The following SKAP1 variants were observed in gnomAD, a reference collection of about 807,000 sequenced individuals.
The protein encoded by SKAP1 is src kinase-associated phosphoprotein 1.
Under a neutral mutation model 58.5 loss-of-function variants are expected in SKAP1, and 44 were observed. The ratio of observed to expected loss-of-function variants is 0.75; its 90% CI spans 0.59 to 0.97. The LOEUF (loss-of-function observed/expected upper bound fraction) is 0.97, where lower values mean the gene tolerates loss of function less well. Among genes scored for constraint, SKAP1 ranks in the 50% least tolerant of loss-of-function variants. The probability of loss-of-function intolerance (pLI) is 0.00; values close to 1 mark genes in which losing one functional copy is unlikely to be tolerated. For synonymous variants in SKAP1, 127 were observed against 149.7 expected, an observed-to-expected ratio of 0.85 and a Z score of 1.11; for missense variants, 390 against 435.2, an observed-to-expected ratio of 0.90 and a Z score of 0.92.
chr17:48,210,548 G>A (rs1567822269), intron 4 of SKAP1, among the ~76,000 whole-genome samples: 2 of 152,098 alleles, frequency 1.3e-5, no homozygotes, highest in African/African-American at 2.4e-5. Context: ...GAACAAGCAC[G>A]AGGGGCAAGA....
intron 4 of SKAP1, among the ~76,000 whole-genome samples, chr17:48,218,379 C>T (rs1191114794): frequency 6.6e-6 from 1 of 152,170 alleles, no homozygotes; most frequent in Non-Finnish European, 1.5e-5. Context: ...CTTTGCCTGG[C>T]AAACCCAACA....
chr17:48,437,109 A>C, the SKAP1 span, among the ~76,000 whole-genome samples: 1 of 151,990 alleles, frequency 6.6e-6, no homozygotes. Context: ...TTTTATTCTC[A>C]CACTACTACT....
At chr17:48,316,689 A>G (rs1028611356) in intron 4 of SKAP1, among the ~76,000 whole-genome samples, 2 of 152,212 alleles carry the variant, frequency 1.3e-5, no homozygotes, top group African/African-American at 4.8e-5. Flanking sequence ...ATGATAAATG[A>G]ATAGATGAAG....
chr17:48,266,258 T>G (rs1474877930), intron 4 of SKAP1, among the ~76,000 whole-genome samples: 1 of 152,214 alleles, frequency 6.6e-6, no homozygotes, highest in Non-Finnish European at 1.5e-5. Context: ...GTTAGGCTGG[T>G]GCAAACATCA....
chr17:48,354,374 A>T (rs925028188), intron 3 of SKAP1, among the ~76,000 whole-genome samples: 1 of 152,230 alleles, frequency 6.6e-6, no homozygotes, highest in African/African-American at 2.4e-5. Flanking sequence ...CTCTTTATTT[A>T]AAAAAATTAC....
rs943871609 is a variant in SKAP1 at position 48,255,065 on chromosome 17, T to C, written c.281-65565A>G. Among the ~76,000 whole-genome samples, 3 of 152,090 alleles carry C rather than the reference T, an allele frequency of 2.0e-5. No homozygotes were observed. In the East Asian group the frequency reaches 5.8e-4, roughly 29 times the overall value. ...GATGGGCTAGTACTCCTCCTTCAAA[T>C]GCTGAACGTCATCACAGGAGAGACA... is the stretch of plus-strand genomic sequence containing the variant. On this transcript the variant is annotated intron_variant, in intron 4 of 12. Coordinates refer to ENST00000336915, the MANE Select transcript of SKAP1 (RefSeq NM_003726.4).
chr17:48,306,214 C>A (rs906396492), intron 4 of SKAP1, among the ~76,000 whole-genome samples: 4 of 152,184 alleles, frequency 2.6e-5, no homozygotes, highest in African/African-American at 9.7e-5. Flanking sequence ...GCAGATTAGT[C>A]CATGAGCATT....
chr17:48,169,266 T>C (rs1030404022), intron 10 of SKAP1, among the ~76,000 whole-genome samples: 1 of 152,200 alleles, frequency 6.6e-6, no homozygotes, highest in African/African-American at 2.4e-5. Context: ...TGCTAAAAGA[T>C]CAATGCTTTC....
intron 4 of SKAP1, among the ~76,000 whole-genome samples, chr17:48,339,978 C>T (rs994791097): frequency 2.5e-4 from 38 of 151,996 alleles, no homozygotes; most frequent in African/African-American, 8.7e-4. Flanking sequence ...GTCGGGAGTT[C>T]GAGACCAGCC....
chr17:48,321,599 C>T lies in SKAP1; in HGVS notation c.280+24306G>A, dbSNP rs554623241. On this transcript the variant is annotated intron_variant, in intron 4 of 12. Transcript: ENST00000336915. ...TTCACCGTGTTAGCCAGGATCGTCTCGATCTCCTGACCTTGTGATCCGCCA... is the reference window on the plus strand; with the variant it reads ...TTCACCGTGTTAGCCAGGATCGTCTTGATCTCCTGACCTTGTGATCCGCCA... Among the ~76,000 whole-genome samples, 52 of 152,110 alleles carry T rather than the reference C, an allele frequency of 3.4e-4. No individual in the cohort carries two copies. The South Asian group carries it at 8.7e-3, about 25-fold the overall frequency.
chr17:48,440,913 G>C, the SKAP1 span, among the ~76,000 whole-genome samples: 1 of 152,174 alleles, frequency 6.6e-6, no homozygotes, highest in Non-Finnish European at 1.5e-5. Context: ...GGCTCAGAGG[G>C]AAATGTAGCT....
chr17:48,190,809 C>T (rs1391426238), intron 4 of SKAP1, among the ~76,000 whole-genome samples: 2 of 151,986 alleles, frequency 1.3e-5, no homozygotes, highest in Non-Finnish European at 2.9e-5. Context: ...CATGGTGAAA[C>T]CTCATCTCTA....
chr17:48,444,946 T>C, the SKAP1 span, among the ~76,000 whole-genome samples: 3 of 152,182 alleles, frequency 2.0e-5, no homozygotes, highest in African/African-American at 7.2e-5. Context: ...CCTTGGGTCC[T>C]GGGACCATCC....
At position 48,145,865 on chromosome 17, in the gene SKAP1, C is replaced by T. The variant is rs114142301; in HGVS notation, c.979-8528G>A. 4.7e-3 allele frequency among the ~76,000 whole-genome samples: 714 copies of T among 152,248 alleles called. 3 individuals are homozygous for T. Among genetic ancestry groups the T allele is most frequent in the African/African-American group, 0.016 (669 of 41,530 alleles). The stretch of plus-strand genomic sequence containing the variant: ...ATTTCTAGGCTCAGTGAATCCTAGG[C>T]TGTTCCAACAAAAGGAACTCACCAT... On this transcript the variant is annotated intron_variant, in intron 11 of 12. Transcript: ENST00000336915.
At chr17:48,140,173 T>C (rs1255313260) in intron 11 of SKAP1, among the ~76,000 whole-genome samples, 1 of 152,216 alleles carries the variant, frequency 6.6e-6, no homozygotes, top group Non-Finnish European at 1.5e-5. Flanking sequence ...GTTGCCGTCC[T>C]CTACTTAGGC....
chr17:48,178,309 G>A (rs1186295858), intron 9 of SKAP1, among the ~76,000 whole-genome samples: 2 of 151,838 alleles, frequency 1.3e-5, no homozygotes, highest in Non-Finnish European at 1.5e-5. Context: ...CTTTCCACCC[G>A]AGAAGGTTCA....
At chr17:48,394,576 A>G (rs1458637689) in intron 2 of SKAP1, among the ~76,000 whole-genome samples, 2 of 152,156 alleles carry the variant, frequency 1.3e-5, no homozygotes, top group Non-Finnish European at 2.9e-5. Context: ...CCTGGCCTCA[A>G]GCGATCTTCT....
At chr17:48,349,239 T>A (rs192713754) in intron 3 of SKAP1, among the ~76,000 whole-genome samples, 57 of 152,364 alleles carry the variant, frequency 3.7e-4, no homozygotes, top group Middle Eastern at 6.8e-3. Context: ...ACGTGTTCTC[T>A]GGATTTGTCT....
In SKAP1 at chr17:48,345,980, C is replaced by T. The variant is rs1244505324; in HGVS notation, c.205G>A (p.Asp69Asn). 9.9e-6 allele frequency: 16 copies of T among 1,612,392 alleles called. No individual in the cohort carries two copies. Among genetic ancestry groups the T allele is most frequent in the Non-Finnish European group, 1.4e-5 (16 of 1,179,302 alleles). Residue 69 changes from aspartate to asparagine, a missense_variant, in exon 4 of 13, where the codon GAT (aspartate) becomes AAT (asparagine). Asp to Asn is a conservative substitution (Grantham distance 23). Coordinates refer to ENST00000336915, the MANE Select transcript of SKAP1 (RefSeq NM_003726.4). The stretch of plus-strand genomic sequence containing the variant: ...CCAAGAGTCCCGCTGTGATTATCAT[C>T]AGAGCTGTCCTGTCCAATGTCTCCC... ...QGGDIGQDSS[D>N]DNHSGTLGLS...
Sources: allele counts gnomAD v4.1 joint callset (sites outside exome capture counted in the v4.1 genomes callset), GRCh38; gene constraint gnomAD v4.1.1; transcripts MANE v1.5; gene names NCBI Gene and HGNC (gene_info 2026-07-23, HGNC 2026-07-21).